The following HMGN5 variants were observed in gnomAD, a reference collection of about 807,000 sequenced individuals.
The protein encoded by HMGN5 is high mobility group nucleosome binding domain 5, also known as high mobility group nucleosome-binding domain-containing protein 5.
In HMGN5, 4 loss-of-function variants were observed where a neutral mutation model predicts 9.5. That is an observed-to-expected ratio of 0.42 (90% CI 0.21 to 0.96). The LOEUF is 0.96. Ranked by LOEUF, HMGN5 falls within the 40% of genes least tolerant of loss-of-function variation. The pLI is 0.30. For missense variants in HMGN5, 192 were observed against 187.5 expected, an observed-to-expected ratio of 1.02 and a Z score of -0.14; for synonymous variants, 55 against 57.1, an observed-to-expected ratio of 0.96 and a Z score of 0.16.
intron 1 of HMGN5, among the ~76,000 whole-genome samples, chrX:81,166,505 C>T (rs2075411779): frequency 9.0e-6 from 1 of 111,390 alleles, no homozygotes; most frequent in African/African-American, 3.3e-5. Context: ...CATGAATCAC[C>T]AGATTCTAAG....
At chrX:81,140,093 C>T (rs2075323992) in intron 1 of HMGN5, among the ~76,000 whole-genome samples, 1 of 111,562 alleles carries the variant, frequency 9.0e-6, no homozygotes, top group Admixed American at 9.5e-5. Context: ...CCTCTTCTTT[C>T]CGCATGAGGA....
chrX:81,146,083 G>C (rs1203934176), intron 1 of HMGN5, among the ~76,000 whole-genome samples: 3 of 111,019 alleles, frequency 2.7e-5, no homozygotes, highest in Non-Finnish European at 3.8e-5. Context: ...GTCAACAATA[G>C]ACAGATCAAT....
chrX:81,190,744 A>G (rs749673821), intron 1 of HMGN5, among the ~76,000 whole-genome samples: 48 of 111,403 alleles, frequency 4.3e-4, no homozygotes, highest in Non-Finnish European at 8.1e-4. Flanking sequence ...TGAGTTAATT[A>G]TTGTAACGGG....
intron 1 of HMGN5, among the ~76,000 whole-genome samples, chrX:81,129,275 C>T (rs960057838): frequency 9.0e-6 from 1 of 111,691 alleles, no homozygotes; most frequent in Admixed American, 9.5e-5. Context: ...GACACAGAAG[C>T]ATGCTCACTT....
At position 81,121,572 on chromosome X, in the gene HMGN5, T is replaced by C; in HGVS notation, c.-23A>G. ...CATTGTTGTAGCTCTCTATAGGAGA[T>C]CTTAGTCAGCAGAAAAAAAGCCGAA... On this transcript the variant is annotated 5_prime_UTR_variant, in exon 2 of 7. Transcript: ENST00000358130. 2.6e-6 allele frequency: 3 copies of C among 1,160,987 alleles called. No homozygotes were observed. Among genetic ancestry groups the C allele is most frequent in the Non-Finnish European group, 1.1e-6 (1 of 871,772 alleles).
At chrX:81,137,515 T>C (rs1358456502) in intron 1 of HMGN5, among the ~76,000 whole-genome samples, 2 of 110,976 alleles carry the variant, frequency 1.8e-5, no homozygotes, top group Non-Finnish European at 3.8e-5. Flanking sequence ...AAAATAACAA[T>C]AAAACAAACA....
intron 1 of HMGN5, among the ~76,000 whole-genome samples, chrX:81,167,833 G>A (rs1207779499): frequency 8.9e-6 from 1 of 111,752 alleles, no homozygotes; most frequent in Non-Finnish European, 1.9e-5. Context: ...CAATGGCTGT[G>A]ACTATTAAAA....
chrX:81,190,931 T>A (rs1283927842), intron 1 of HMGN5, among the ~76,000 whole-genome samples: 5 of 111,868 alleles, frequency 4.5e-5, no homozygotes, highest in Non-Finnish European at 9.4e-5. Flanking sequence ...GATCTATTTG[T>A]TCTTTCACCA....
intron 1 of HMGN5, among the ~76,000 whole-genome samples, chrX:81,178,861 G>T (rs2075451362): frequency 9.0e-6 from 1 of 111,457 alleles, no homozygotes; most frequent in Non-Finnish European, 1.9e-5. Flanking sequence ...CCACAATCAG[G>T]ACTGCTTCAT....
intron 1 of HMGN5, among the ~76,000 whole-genome samples, chrX:81,153,791 C>T (rs1163287942): frequency 2.0e-5 from 2 of 102,338 alleles, no homozygotes; most frequent in African/African-American, 3.6e-5. Flanking sequence ...AATAGCCACA[C>T]ATAAAATTAA....
chrX:81,118,717 A>G lies in HMGN5; in HGVS notation c.75+13T>C, dbSNP rs778480255. The G allele has an allele frequency of 5.0e-6, 6 of 1,189,254 alleles. No individual in the cohort carries two copies. Among genetic ancestry groups the G allele is most frequent in the East Asian group, 6.0e-5 (2 of 33,478 alleles). ...TCACAATACATGGGCTGCTTTTTGA[A>G]AAGATTACTTACAGCAGACAACCTG... On this transcript the variant is annotated intron_variant, in intron 4 of 6. Transcript: ENST00000358130.
At chrX:81,138,069 T>C (rs1485273811) in intron 1 of HMGN5, among the ~76,000 whole-genome samples, 1 of 111,675 alleles carries the variant, frequency 9.0e-6, no homozygotes, top group African/African-American at 3.2e-5. Flanking sequence ...TTCCAAAAAT[T>C]CAAAGATATA....
chrX:81,130,397 C>T (rs1030905664), intron 1 of HMGN5, among the ~76,000 whole-genome samples: 28 of 111,684 alleles, frequency 2.5e-4, no homozygotes, highest in African/African-American at 9.1e-4. Flanking sequence ...CCTCAGTATA[C>T]AGATGATAAA....
At chrX:81,193,394 G>A (rs1476665598) in intron 1 of HMGN5, among the ~76,000 whole-genome samples, 1 of 112,217 alleles carries the variant, frequency 8.9e-6, no homozygotes, top group Non-Finnish European at 1.9e-5. Context: ...ACCTCCAAAT[G>A]GTTTTAGCCT....
chrX:81,180,255 A>T (rs1183443253), intron 1 of HMGN5, among the ~76,000 whole-genome samples: 1 of 111,647 alleles, frequency 9.0e-6, no homozygotes, highest in Non-Finnish European at 1.9e-5. Flanking sequence ...CTACCATCAG[A>T]GTGAACAGGC....
intron 1 of HMGN5, among the ~76,000 whole-genome samples, chrX:81,199,666 G>A (rs192245393): frequency 0.012 from 1,300 of 112,054 alleles, 18 homozygotes; most frequent in African/African-American, 0.039. Flanking sequence ...GGGAAAACTG[G>A]CTAGCCATAT....
At chrX:81,184,074 G>A (rs2075470425) in intron 1 of HMGN5, among the ~76,000 whole-genome samples, 1 of 110,932 alleles carries the variant, frequency 9.0e-6, no homozygotes, top group Non-Finnish European at 1.9e-5. Context: ...GTTTTGGGAG[G>A]GGCCGGGGTG....
At chrX:81,180,865 C>T (rs1200608088) in intron 1 of HMGN5, among the ~76,000 whole-genome samples, 1 of 111,780 alleles carries the variant, frequency 8.9e-6, no homozygotes, top group Non-Finnish European at 1.9e-5. Context: ...GAATACTATG[C>T]AGCCATAAAA....
intron 1 of HMGN5, among the ~76,000 whole-genome samples, chrX:81,157,750 T>C (rs890728999): frequency 1.8e-5 from 2 of 111,438 alleles, no homozygotes; most frequent in Non-Finnish European, 3.8e-5. Context: ...CCTGGAGTTA[T>C]ATAAAAAATT....
Sources: gnomAD v4.1 joint callset for allele counts (sites outside exome capture counted in the v4.1 genomes callset) on GRCh38, gnomAD v4.1.1 for gene constraint, MANE v1.5 for transcripts, NCBI Gene and HGNC (gene_info 2026-07-23, HGNC 2026-07-21) for gene names.